Variants in RALGAPA2 observed in about 807,000 individuals in gnomAD.
RALGAPA2 encodes Ral GTPase activating protein catalytic subunit alpha 2, also known as ral GTPase-activating protein subunit alpha-2.
A neutral mutation model predicts 230.4 loss-of-function variants in RALGAPA2; 139 were observed. The observed-to-expected ratio is 0.60, with a 90% CI of 0.53 to 0.69. The LOEUF (loss-of-function observed/expected upper bound fraction) is 0.69. Among genes scored for constraint, RALGAPA2 ranks in the 30% least tolerant of loss-of-function variants. The pLI, the probability that RALGAPA2 is intolerant of heterozygous loss-of-function variation, is 0.00. For missense variants in RALGAPA2, 2,163 were observed against 2,276.0 expected (o/e 0.95, Z 1.01); for synonymous variants, 847 against 837.8 (o/e 1.01, Z -0.19).
chr20:20,459,041 T>G (rs1233515621), intron 37 of RALGAPA2, among the ~76,000 whole-genome samples: 1 of 151,744 alleles, frequency 6.6e-6, no homozygotes, highest in African/African-American at 2.4e-5. Flanking sequence ...AAGACAACAA[T>G]CTGCTCCAGC....
At chr20:20,708,904 A>G (rs1464807980) in intron 1 of RALGAPA2, among the ~76,000 whole-genome samples, 1 of 152,182 alleles carries the variant, frequency 6.6e-6, no homozygotes, top group Non-Finnish European at 1.5e-5. Context: ...GAATCTGGCC[A>G]GGCATGGTGG....
At chr20:20,393,585 A>T (rs766155666) in intron 39 of RALGAPA2, among the ~76,000 whole-genome samples, 1 of 152,220 alleles carries the variant, frequency 6.6e-6, no homozygotes, top group Non-Finnish European at 1.5e-5. Flanking sequence ...CCACTGAAGA[A>T]GCAGTGGCTG....
chr20:20,469,647 T>C (rs971730659), intron 37 of RALGAPA2, among the ~76,000 whole-genome samples: 3 of 152,172 alleles, frequency 2.0e-5, no homozygotes, highest in African/African-American at 7.2e-5. Context: ...ACGGGCACAC[T>C]GCATATTGTG....
intron 23 of RALGAPA2, among the ~76,000 whole-genome samples, chr20:20,551,511 T>C (rs1327857108): frequency 2.6e-5 from 4 of 152,240 alleles, no homozygotes; most frequent in Non-Finnish European, 5.9e-5. Flanking sequence ...CTGTAGCTTA[T>C]CAAAAGATTC....
chr20:20,472,439 T>C (rs1227432184), intron 37 of RALGAPA2: 1 of 153,572 alleles, frequency 6.5e-6, no homozygotes, highest in Non-Finnish European at 1.4e-5. Context: ...TGGTTTCTGG[T>C]AGGCACTCTG....
intron 23 of RALGAPA2, among the ~76,000 whole-genome samples, chr20:20,548,149 AC>A (rs1192607110): frequency 1.3e-4 from 20 of 152,110 alleles, no homozygotes; most frequent in African/African-American, 4.6e-4. Context: ...ACACACACAC[AC>A]AAAATCCTAG....
At chr20:20,678,231 T>C (rs2068403633) in intron 2 of RALGAPA2, among the ~76,000 whole-genome samples, 1 of 152,352 alleles carries the variant, frequency 6.6e-6, no homozygotes, top group South Asian at 2.1e-4. Context: ...CATTTTCTTT[T>C]ATTCTTTTTT....
intron 37 of RALGAPA2, among the ~76,000 whole-genome samples, chr20:20,453,742 G>A (rs1051348285): frequency 6.6e-6 from 1 of 152,142 alleles, no homozygotes; most frequent in African/African-American, 2.4e-5. Context: ...GCCCCTCCAG[G>A]GTGGGCACCG....
intron 1 of RALGAPA2, among the ~76,000 whole-genome samples, chr20:20,685,838 C>T (rs1041790895): frequency 1.3e-5 from 2 of 152,010 alleles, no homozygotes; most frequent in African/African-American, 2.4e-5. Context: ...TGGGAACCCG[C>T]CTTTGAAGGG....
intron 24 of RALGAPA2, among the ~76,000 whole-genome samples, chr20:20,537,240 G>A (rs1221663994): frequency 6.6e-6 from 1 of 152,132 alleles, no homozygotes; most frequent in Non-Finnish European, 1.5e-5. Context: ...GCCAAGAACT[G>A]CTTTACGAAA....
At position 20,665,635 on chromosome 20, in the gene RALGAPA2, A is replaced by G. The variant is rs1041735788; in HGVS notation, c.270+10601T>C. ...CATTTGTCTAATTAAAATTACTAAC[A>G]TTCTATAATAGGATAATCACATTTT... On this transcript the variant is annotated intron_variant, in intron 3 of 39. Coordinates refer to ENST00000202677, the MANE Select transcript of RALGAPA2 (RefSeq NM_020343.4). Among the ~76,000 whole-genome samples, 9 of 152,328 alleles carry G rather than the reference A, an allele frequency of 5.9e-5. No individual in the cohort carries two copies. The East Asian group carries it at 1.7e-3, about 29-fold the overall frequency.
At chr20:20,661,897 A>G (rs910644585) in intron 3 of RALGAPA2, among the ~76,000 whole-genome samples, 6 of 152,230 alleles carry the variant, frequency 3.9e-5, no homozygotes, top group African/African-American at 1.4e-4. Context: ...AATTTACGAT[A>G]TACCTATAAT....
chr20:20,621,583 T>C (rs1422001030), intron 10 of RALGAPA2, among the ~76,000 whole-genome samples: 4 of 152,286 alleles, frequency 2.6e-5, no homozygotes, highest in African/African-American at 9.6e-5. Flanking sequence ...AGGTTACTAA[T>C]GAGTTCAGCT....
At chr20:20,704,927 C>T (rs1223480554) in intron 1 of RALGAPA2, among the ~76,000 whole-genome samples, 3 of 152,194 alleles carry the variant, frequency 2.0e-5, no homozygotes, top group Non-Finnish European at 4.4e-5. Flanking sequence ...ATCCTTTATC[C>T]ATTATTCAAA....
At chr20:20,474,860 T>C (rs2123417192) in intron 36 of RALGAPA2, among the ~76,000 whole-genome samples, 1 of 152,270 alleles carries the variant, frequency 6.6e-6, no homozygotes, top group East Asian at 1.9e-4. Context: ...GTTGAAGCTG[T>C]TCACTTAGAG....
intron 37 of RALGAPA2, among the ~76,000 whole-genome samples, chr20:20,465,149 T>TCACACACACA (rs74180992): frequency 0.1 from 10,952 of 109,014 alleles, 804 homozygotes; most frequent in Non-Finnish European, 0.11. Context: ...CCGCAGGCCT[T>TCACACACACA]CACACACACA....
intron 37 of RALGAPA2, chr20:20,471,035 T>C (rs1350655593): frequency 1.3e-5 from 2 of 152,230 alleles, no homozygotes; most frequent in Non-Finnish European, 1.5e-5. Flanking sequence ...CATAATAGTT[T>C]TTAAAATATT....
intron 26 of RALGAPA2, among the ~76,000 whole-genome samples, chr20:20,535,267 C>A (rs906734874): frequency 6.6e-6 from 1 of 152,122 alleles, no homozygotes; most frequent in Non-Finnish European, 1.5e-5. Context: ...CTTTTCAATA[C>A]GTAAGTGGCC....
intron 16 of RALGAPA2, among the ~76,000 whole-genome samples, chr20:20,593,185 G>A (rs2065346457): frequency 6.6e-6 from 1 of 152,226 alleles, no homozygotes; most frequent in Non-Finnish European, 1.5e-5. Context: ...TTGCAGGCGT[G>A]GGCCATGGTG....
Sources: gnomAD v4.1 joint callset for allele counts (sites outside exome capture counted in the v4.1 genomes callset) on GRCh38, gnomAD v4.1.1 for gene constraint, MANE v1.5 for transcripts, NCBI Gene and HGNC (gene_info 2026-07-23, HGNC 2026-07-21) for gene names.